The following FRMD4A variants were observed in gnomAD, a reference collection of about 807,000 sequenced individuals.
The protein encoded by FRMD4A is FERM domain containing 4A.
A neutral mutation model predicts 129.1 loss-of-function variants in FRMD4A; 29 were observed. The observed-to-expected ratio is 0.22, with a 90% CI of 0.17 to 0.31. The LOEUF (loss-of-function observed/expected upper bound fraction) is 0.31. FRMD4A is among the 10% of genes least tolerant of loss of function. The pLI, the probability that FRMD4A is intolerant of heterozygous loss-of-function variation, is 1.00. For synonymous variants in FRMD4A, 634 were observed against 571.6 expected (o/e 1.11, Z -1.56); for missense variants, 1,272 against 1,375.8 (o/e 0.92, Z 1.19).
intron 2 of FRMD4A, among the ~76,000 whole-genome samples, chr10:14,244,441 CGG>C (rs1844162045): frequency 6.6e-6 from 1 of 152,166 alleles, no homozygotes; most frequent in Non-Finnish European, 1.5e-5. Context: ...GCAATCTATG[CGG>C]ATTACATTGC....
chr10:13,837,152 C>T (rs1342546752), intron 3 of FRMD4A, among the ~76,000 whole-genome samples: 1 of 152,180 alleles, frequency 6.6e-6, no homozygotes, highest in African/African-American at 2.4e-5. Context: ...TTGACGCAGA[C>T]CCCTCTCCAG....
At chr10:13,698,467 C>G (rs764533969) in intron 14 of FRMD4A, among the ~76,000 whole-genome samples, 1 of 152,196 alleles carries the variant, frequency 6.6e-6, no homozygotes, top group Non-Finnish European at 1.5e-5. Flanking sequence ...AATCACATCG[C>G]TGTTCTATAA....
intron 2 of FRMD4A, among the ~76,000 whole-genome samples, chr10:13,949,315 A>AAAAAG (rs1554983613): frequency 2.0e-5 from 3 of 148,708 alleles, no homozygotes; most frequent in Non-Finnish European, 3.0e-5. Flanking sequence ...AAAAAAAAAA[A>AAAAAG]AAAGAAAGAA....
intron 3 of FRMD4A, among the ~76,000 whole-genome samples, chr10:13,825,072 A>G (rs2093682062): frequency 1.3e-5 from 2 of 152,292 alleles, no homozygotes; most frequent in African/African-American, 4.8e-5. Flanking sequence ...CAAACCCTAT[A>G]TATACTGCTT....
At chr10:13,946,583 C>G (rs1458696046) in intron 2 of FRMD4A, among the ~76,000 whole-genome samples, 1 of 151,896 alleles carries the variant, frequency 6.6e-6, no homozygotes, top group Non-Finnish European at 1.5e-5. Context: ...TTTAGTGATC[C>G]TTTACCTTGG....
chr10:14,109,982 C>T lies in FRMD4A; in HGVS notation c.45+220076G>A, dbSNP rs538360829. Among the ~76,000 whole-genome samples the T allele has an allele frequency of 1.9e-3, 282 of 147,650 alleles. 1 individual carries two copies. The highest frequency in any genetic ancestry group is 2.9e-3 in the Non-Finnish European group (192 of 67,110). On this transcript the variant is annotated intron_variant, in intron 2 of 24. Transcript: ENST00000357447. ...CAAGACTCCGTCTCCCTCCCCCAAA[C>T]CCACCAAAAAAAAAAAAAAGTAAAA...
intron 2 of FRMD4A, among the ~76,000 whole-genome samples, chr10:14,025,158 T>C (rs2447035): frequency 0.66 from 99,955 of 152,098 alleles, 33,554 homozygotes; most frequent in African/African-American, 0.79. Context: ...CTCCATCCTA[T>C]GCACCCCCTC....
At chr10:13,949,462 T>G (rs1180198418) in intron 2 of FRMD4A, among the ~76,000 whole-genome samples, 1 of 152,180 alleles carries the variant, frequency 6.6e-6, no homozygotes, top group African/African-American at 2.4e-5. Flanking sequence ...TGAGTTTTCT[T>G]TTAGTATTCA....
chr10:13,910,538 A>C (rs2094929855), intron 2 of FRMD4A, among the ~76,000 whole-genome samples: 1 of 152,246 alleles, frequency 6.6e-6, no homozygotes, highest in African/African-American at 2.4e-5. Flanking sequence ...TTTGTTACTT[A>C]GCGATGGTTA....
rs1050921166 is a variant in FRMD4A at position 13,911,705 on chromosome 10, G to A, written c.46-52793C>T. 9.2e-5 allele frequency among the ~76,000 whole-genome samples: 14 copies of A among 152,264 alleles called. 1 individual carries two copies. The East Asian group carries it at 2.7e-3, about 29-fold the overall frequency. ...GCCTCCTGAGTAGCTGGGACTACAG[G>A]CACGTGCCACCTCGCCTGGCTAATT... On this transcript the variant is annotated intron_variant, in intron 2 of 24. Transcript: ENST00000357447.
chr10:13,644,369 A>G lies in FRMD4A; in HGVS notation c.*2669T>C, dbSNP rs192849659. 1.3e-5 allele frequency: 2 copies of G among 152,340 alleles called. No homozygotes were observed. Among genetic ancestry groups the G allele is most frequent in the East Asian group, 1.9e-4 (1 of 5,192 alleles). The allele number at this position is 152,340 out of a possible 1,614,324, so 9.4% of individuals were successfully genotyped here. ...TACATCATTTCCCACCACACTGATC[A>G]TTAATCATGTCAGTCTCAAAGGACT... On this transcript the variant is annotated 3_prime_UTR_variant, in exon 25 of 25. Transcript: ENST00000357447.
chr10:14,296,524 C>T (rs1043607235), intron 2 of FRMD4A, among the ~76,000 whole-genome samples: 2 of 152,180 alleles, frequency 1.3e-5, no homozygotes, highest in South Asian at 2.1e-4. Flanking sequence ...GCTCCATCTC[C>T]CTGCAGTGTC....
At chr10:13,938,993 C>T (rs2095270224) in intron 2 of FRMD4A, among the ~76,000 whole-genome samples, 1 of 152,306 alleles carries the variant, frequency 6.6e-6, no homozygotes, top group East Asian at 1.9e-4. Context: ...TGCTGTTAAA[C>T]GTCCTAGAAT....
intron 2 of FRMD4A, among the ~76,000 whole-genome samples, chr10:14,076,555 G>A (rs190754889): frequency 1.4e-4 from 21 of 152,186 alleles, no homozygotes; most frequent in Admixed American, 2.6e-4. Context: ...CAGGAGAACC[G>A]CGTGAACCCG....
intron 3 of FRMD4A, among the ~76,000 whole-genome samples, chr10:13,845,277 T>G (rs2094027303): frequency 6.6e-6 from 1 of 152,210 alleles, no homozygotes; most frequent in Non-Finnish European, 1.5e-5. Flanking sequence ...GAGTTATATA[T>G]GGCGTTGGAG....
chr10:13,948,127 T>G (rs1441639182), intron 2 of FRMD4A, among the ~76,000 whole-genome samples: 1 of 152,130 alleles, frequency 6.6e-6, no homozygotes, highest in Admixed American at 6.5e-5. Flanking sequence ...TGGTTCTCAT[T>G]AAATGGACTT....
chr10:13,884,168 TCACACACTCACACA>T (rs2094584494), intron 2 of FRMD4A, among the ~76,000 whole-genome samples: 12 of 67,460 alleles, frequency 1.8e-4, no homozygotes, highest in East Asian at 6.4e-4. Flanking sequence ...ACACACACAC[TCACACACTCACACA>T]CACACACACA....
intron 2 of FRMD4A, among the ~76,000 whole-genome samples, chr10:14,304,153 G>A (rs1846271832): frequency 6.6e-6 from 1 of 152,182 alleles, no homozygotes; most frequent in African/African-American, 2.4e-5. Flanking sequence ...ATACCCAGAA[G>A]TGGAATTGCT....
In FRMD4A at chr10:14,149,482, G is replaced by A. The variant is rs151218003; in HGVS notation, c.45+180576C>T. Among the ~76,000 whole-genome samples the A allele has an allele frequency of 7.9e-5, 12 of 152,134 alleles. No homozygotes were observed. In the East Asian group the frequency reaches 2.1e-3, roughly 27 times the overall value. Reference sequence around the variant, plus strand: ...AGCCTCCAAAGTAGCTGGAACTAGAGGTATTGCCACCATGCCTGGGTAGTT... The same window carrying A: ...AGCCTCCAAAGTAGCTGGAACTAGAAGTATTGCCACCATGCCTGGGTAGTT... On this transcript the variant is annotated intron_variant, in intron 2 of 24. Coordinates refer to ENST00000357447, the MANE Select transcript of FRMD4A (RefSeq NM_018027.5).
Sources: gnomAD v4.1 joint callset for allele counts (sites outside exome capture counted in the v4.1 genomes callset) on GRCh38, gnomAD v4.1.1 for gene constraint, MANE v1.5 for transcripts, NCBI Gene and HGNC (gene_info 2026-07-23, HGNC 2026-07-21) for gene names.